The following EXOC2 variants were observed in gnomAD, a reference collection of about 807,000 sequenced individuals.
EXOC2 encodes the protein SEC5-like 1.
EXOC2 carries 70 observed loss-of-function variants against 131.8 expected under a neutral mutation model. That is an observed-to-expected ratio of 0.53 (90% CI 0.44 to 0.65). The LOEUF (loss-of-function observed/expected upper bound fraction) is 0.65, where lower values mean the gene tolerates loss of function less well. Among genes scored for constraint, EXOC2 ranks in the 30% least tolerant of loss-of-function variants. The probability of loss-of-function intolerance (pLI) is 0.00; values close to 1 mark genes in which losing one functional copy is unlikely to be tolerated. For synonymous variants in EXOC2, 411 were observed against 398.4 expected (o/e 1.03, Z -0.38); for missense variants, 923 against 1,108.6 (o/e 0.83, Z 2.38).
intron 1 of EXOC2, chr6:669,762 C>T (rs1241988806): frequency 6.6e-6 from 1 of 152,180 alleles, no homozygotes; most frequent in African/African-American, 2.4e-5. Context: ...TCCTGTAGCC[C>T]ATCAATGAGT....
intron 1 of EXOC2, chr6:657,203 C>G (rs1763173222): frequency 2.7e-6 from 1 of 366,016 alleles, no homozygotes; most frequent in African/African-American, 2.1e-5. Context: ...CGTTTCCACT[C>G]CGGTTATAAG....
intron 22 of EXOC2, among the ~76,000 whole-genome samples, chr6:547,478 T>C (rs1756928051): frequency 6.6e-6 from 1 of 152,226 alleles, no homozygotes; most frequent in Non-Finnish European, 1.5e-5. Context: ...AGCCATCCAC[T>C]GTGACCTGTG....
At chr6:557,370 A>G (rs1424888222) in intron 17 of EXOC2, among the ~76,000 whole-genome samples, 1 of 152,194 alleles carries the variant, frequency 6.6e-6, no homozygotes, top group Non-Finnish European at 1.5e-5. Context: ...CTGTAATCCC[A>G]GCATTTTGGG....
intron 7 of EXOC2, among the ~76,000 whole-genome samples, chr6:605,617 C>T (rs370846078): frequency 2.6e-5 from 4 of 152,096 alleles, no homozygotes; most frequent in Admixed American, 6.6e-5. Flanking sequence ...GTCTTGCTAG[C>T]GGTTTATCAA....
chr6:563,674 A>T (rs1757816878), intron 16 of EXOC2, among the ~76,000 whole-genome samples: 1 of 152,212 alleles, frequency 6.6e-6, no homozygotes, highest in Non-Finnish European at 1.5e-5. Flanking sequence ...CTTTGATTGG[A>T]CATTGATTTC....
intron 1 of EXOC2, among the ~76,000 whole-genome samples, chr6:672,076 T>C (rs1763901253): frequency 6.6e-6 from 1 of 152,218 alleles, no homozygotes; most frequent in Non-Finnish European, 1.5e-5. Flanking sequence ...ACATACATTA[T>C]ACTTTGTGTA....
At chr6:569,415 A>G (rs1262298109) in intron 13 of EXOC2, among the ~76,000 whole-genome samples, 1 of 152,224 alleles carries the variant, frequency 6.6e-6, no homozygotes, top group East Asian at 1.9e-4. Flanking sequence ...AACTGTTGGA[A>G]ACTTCATCTA....
In EXOC2 at chr6:599,229, T is replaced by A. The variant is rs777533453; in HGVS notation, c.743-4A>T. The A allele has an allele frequency of 6.5e-7, 1 of 1,539,878 alleles. No individual in the cohort carries two copies. Among genetic ancestry groups the A allele is most frequent in the Non-Finnish European group, 8.8e-7 (1 of 1,141,682 alleles). On this transcript the variant is annotated splice_region_variant and splice_polypyrimidine_tract_variant and intron_variant, in intron 7 of 27. Transcript: ENST00000230449. ...GTGTCTGCAGTATTACTTGCTCCTGTTTTAAAAAGAGGAAAGGAAACTTAG... is the reference window on the plus strand; with the variant it reads ...GTGTCTGCAGTATTACTTGCTCCTGATTTAAAAAGAGGAAAGGAAACTTAG...
chr6:626,103 G>A (rs1215001709), intron 4 of EXOC2, among the ~76,000 whole-genome samples: 1 of 152,162 alleles, frequency 6.6e-6, no homozygotes, highest in East Asian at 1.9e-4. Context: ...ATATATTTGT[G>A]ACAACTGCCA....
intron 4 of EXOC2, among the ~76,000 whole-genome samples, chr6:627,243 CAAAAAAAAAAAA>C (rs144043704): frequency 1.3e-4 from 16 of 118,964 alleles, no homozygotes; most frequent in Non-Finnish European, 2.3e-4. Context: ...TGACAGTATC[CAAAAAAAAAAAA>C]AAAAAAAAAG....
Position 671,906 on chromosome 6 carries a change from T to G in EXOC2, c.-44+21113A>C, listed in dbSNP as rs555075537. Among the ~76,000 whole-genome samples, 155 of 152,044 alleles carry G rather than the reference T, an allele frequency of 1.0e-3. 2 individuals are homozygous for G. Among genetic ancestry groups the G allele is most frequent in the African/African-American group, 3.6e-3 (151 of 41,458 alleles). On this transcript the variant is annotated intron_variant, in intron 1 of 27. Coordinates refer to ENST00000230449, the MANE Select transcript of EXOC2 (RefSeq NM_018303.6). ...TACAATATGCTAAGTGTAGATTTTT[T>G]ATTTTTTATTTATTTATTTATTTTT...
At chr6:630,263 TA>T (rs59003858) in intron 3 of EXOC2, among the ~76,000 whole-genome samples, 22,847 of 152,204 alleles carry the variant, frequency 0.15, 1,926 homozygotes, top group African/African-American at 0.18. Flanking sequence ...AAACATATTT[TA>T]CAAATAATAA....
intron 6 of EXOC2, among the ~76,000 whole-genome samples, chr6:614,217 G>A (rs1189728902): frequency 6.6e-6 from 1 of 151,928 alleles, no homozygotes; most frequent in East Asian, 1.9e-4. Flanking sequence ...TGGAATTTAC[G>A]GTGAGGACTT....
chr6:619,079 C>T lies in EXOC2; in HGVS notation c.536+351G>A, dbSNP rs549034430. On this transcript the variant is annotated intron_variant, in intron 5 of 27. Transcript: ENST00000230449. ...AGGCAGTGTGTTCCATGTTTTACCC[C>T]AGAACTTAAAATTTTTATGTTATTT... is the stretch of plus-strand genomic sequence containing the variant. Among the ~76,000 whole-genome samples the T allele has an allele frequency of 5.3e-5, 8 of 152,262 alleles. No homozygotes were observed. In the East Asian group the frequency reaches 7.7e-4, roughly 15 times the overall value.
At chr6:591,725 T>C (rs1166312234) in intron 11 of EXOC2, among the ~76,000 whole-genome samples, 1 of 152,208 alleles carries the variant, frequency 6.6e-6, no homozygotes, top group African/African-American at 2.4e-5. Context: ...TACTGTGACT[T>C]TGGCACCCAA....
At chr6:657,447 GC>G (rs2127752107) in intron 1 of EXOC2, among the ~76,000 whole-genome samples, 1 of 152,252 alleles carries the variant, frequency 6.6e-6, no homozygotes, top group African/African-American at 2.4e-5. Context: ...ACCTTTCCAT[GC>G]TGGTGAAACA....
intron 1 of EXOC2, among the ~76,000 whole-genome samples, chr6:678,870 A>T (rs1406689459): frequency 6.6e-6 from 1 of 152,242 alleles, no homozygotes; most frequent in Non-Finnish European, 1.5e-5. Context: ...AATTTTTAGC[A>T]TATTAACTCC....
chr6:650,648 A>G (rs375269778), intron 1 of EXOC2, among the ~76,000 whole-genome samples: 69 of 152,382 alleles, frequency 4.5e-4, no homozygotes, highest in African/African-American at 1.6e-3. Context: ...AAGCTACATT[A>G]CAAAACTAGG....
At chr6:673,980 A>G (rs982498857) in intron 1 of EXOC2, among the ~76,000 whole-genome samples, 1 of 152,206 alleles carries the variant, frequency 6.6e-6, no homozygotes, top group East Asian at 1.9e-4. Context: ...GCGAACTGCA[A>G]TTAAGCGAGT....
Sources: gnomAD v4.1 joint callset for allele counts (sites outside exome capture counted in the v4.1 genomes callset) on GRCh38, gnomAD v4.1.1 for gene constraint, MANE v1.5 for transcripts, NCBI Gene and HGNC (gene_info 2026-07-23, HGNC 2026-07-21) for gene names.